Variants in NTRK3 observed in about 807,000 individuals in gnomAD.
The protein encoded by NTRK3 is NT-3 growth factor receptor.
In NTRK3, 24 loss-of-function variants were observed where a neutral mutation model predicts 91.7. The ratio of observed to expected loss-of-function variants is 0.26; its 90% CI spans 0.19 to 0.37. The LOEUF is 0.37. NTRK3 is among the 10% of genes least tolerant of loss of function. The probability of loss-of-function intolerance (pLI) is 1.00; values close to 1 mark genes in which losing one functional copy is unlikely to be tolerated. For synonymous variants in NTRK3, 483 were observed against 404.0 expected, an observed-to-expected ratio of 1.20 and a Z score of -2.34; for missense variants, 880 against 1,068.9, an observed-to-expected ratio of 0.82 and a Z score of 2.46.
At chr15:87,951,553 A>T (rs2071107591) in intron 14 of NTRK3, among the ~76,000 whole-genome samples, 1 of 152,186 alleles carries the variant, frequency 6.6e-6, no homozygotes, top group Non-Finnish European at 1.5e-5. Flanking sequence ...GCTTACCCTC[A>T]TTCTTTCCCC....
intron 15 of NTRK3, among the ~76,000 whole-genome samples, chr15:87,940,409 A>G (rs555801859): frequency 2.3e-4 from 35 of 152,346 alleles, no homozygotes; most frequent in South Asian, 2.1e-3. Context: ...CTCCCCTGGC[A>G]TAGCCCCCTT....
intron 15 of NTRK3, 115 bp from the exon 16 acceptor site, chr15:87,933,299 T>A: frequency 1.0e-6 from 1 of 982,774 alleles, no homozygotes; most frequent in Non-Finnish European, 1.5e-6. Context: ...AATATGAATC[T>A]AAATGGAATT....
exon 19 of NTRK3, chr15:87,873,835 G>C: frequency 8.6e-6 from 2 of 231,916 alleles, no homozygotes; most frequent in Non-Finnish European, 1.7e-5. Context: ...GAAATGTTGA[G>C]ACAAGGGGCA....
intron 13 of NTRK3, among the ~76,000 whole-genome samples, chr15:88,109,513 G>C (rs1251986998): frequency 1.3e-5 from 2 of 152,200 alleles, no homozygotes; most frequent in Admixed American, 6.5e-5. Flanking sequence ...GAAGCACCAA[G>C]CACAGTGCCA....
chr15:88,239,559 G>A (rs1442582332), intron 3 of NTRK3, among the ~76,000 whole-genome samples: 1 of 152,200 alleles, frequency 6.6e-6, no homozygotes, highest in East Asian at 1.9e-4. Flanking sequence ...GGTCAAGGCA[G>A]GTTCAGGTCA....
chr15:88,153,373 G>T (rs1342419795), intron 5 of NTRK3, among the ~76,000 whole-genome samples: 1 of 152,104 alleles, frequency 6.6e-6, no homozygotes, highest in Non-Finnish European at 1.5e-5. Context: ...CTCCCGAGTA[G>T]CTGGGATTAA....
chr15:88,089,721 T>C (rs763126865), intron 13 of NTRK3, among the ~76,000 whole-genome samples: 3 of 152,176 alleles, frequency 2.0e-5, no homozygotes, highest in Non-Finnish European at 4.4e-5. Context: ...GCACAACCTG[T>C]GCTACTGGAC....
intron 13 of NTRK3, among the ~76,000 whole-genome samples, chr15:88,084,922 C>T (rs947567746): frequency 5.3e-5 from 8 of 152,144 alleles, no homozygotes; most frequent in African/African-American, 1.4e-4. Flanking sequence ...TACATGCGCC[C>T]GCATGGGTGT....
intron 18 of NTRK3, among the ~76,000 whole-genome samples, chr15:87,879,122 C>T (rs529296032): frequency 7.2e-5 from 11 of 152,158 alleles, no homozygotes; most frequent in South Asian, 6.2e-4. Flanking sequence ...AGATAGTACA[C>T]GTTTTAAAAA....
intron 3 of NTRK3, among the ~76,000 whole-genome samples, chr15:88,245,097 G>C (rs1302201388): frequency 6.6e-6 from 1 of 152,198 alleles, no homozygotes; most frequent in Non-Finnish European, 1.5e-5. Context: ...CTCAGCCACT[G>C]TGTCCCTTTT....
intron 13 of NTRK3, among the ~76,000 whole-genome samples, chr15:88,120,359 G>C (rs987189607): frequency 6.6e-6 from 1 of 152,152 alleles, no homozygotes; most frequent in Non-Finnish European, 1.5e-5. Flanking sequence ...TTTACTTTAA[G>C]TACCTATTAA....
rs146497195 is a variant in NTRK3 at position 87,916,777 on chromosome 15, T to G, written c.2133+12414A>C. Among the ~76,000 whole-genome samples, 651 of 152,264 alleles carry G rather than the reference T, an allele frequency of 4.3e-3. 2 individuals are homozygous for G. Among genetic ancestry groups the G allele is most frequent in the African/African-American group, 0.015 (612 of 41,544 alleles). On this transcript the variant is annotated intron_variant, in intron 17 of 18. Coordinates refer to ENST00000394480, the Ensembl canonical transcript of NTRK3. Reference sequence around the variant, plus strand: ...ATGAAAAGCACAAGGCTTTTTTTTTTTTTAGACAGAGTCTCACTCTATCAC... The same window carrying G: ...ATGAAAAGCACAAGGCTTTTTTTTTGTTTAGACAGAGTCTCACTCTATCAC...
intron 17 of NTRK3, chr15:87,916,308 G>GGA: frequency 6.0e-6 from 2 of 335,462 alleles, no homozygotes; most frequent in Non-Finnish European, 1.1e-5. Flanking sequence ...TTTGTCTCAG[G>GGA]AAAAAAAAAA....
intron 14 of NTRK3, among the ~76,000 whole-genome samples, chr15:88,017,318 C>A (rs1283980015): frequency 6.6e-6 from 1 of 152,150 alleles, no homozygotes; most frequent in Admixed American, 6.5e-5. Flanking sequence ...TACAGCTCCC[C>A]CTTTAGACCT....
rs919686370 is a variant in NTRK3, at chr15:88,126,447, C to T, written c.1294-74G>A. The T allele has an allele frequency of 1.2e-5, 12 of 997,946 alleles. 1 individual carries two copies. The highest frequency in any genetic ancestry group is 6.8e-5 in the South Asian group (5 of 73,794). 61.8% of individuals were successfully genotyped at this position (997,946 alleles called of 1,614,324 possible). A position where few individuals can be genotyped will look rare whatever the true frequency, so the allele number is the denominator to read the frequency against. ...ATTTCCTTGAAAATAATGTGTGTGC[C>T]CAGATAAGAACAGTCCTACTGCCAT... On this transcript the variant is annotated intron_variant, in intron 12 of 18. Transcript: ENST00000394480.
At chr15:88,168,778 GGT>G (rs1445878810) in intron 5 of NTRK3, among the ~76,000 whole-genome samples, 1 of 152,198 alleles carries the variant, frequency 6.6e-6, no homozygotes, top group Non-Finnish European at 1.5e-5. Flanking sequence ...CTATGAAGCA[GGT>G]ACCTGCTCCT....
At chr15:87,888,290 G>A (rs778840192) in intron 17 of NTRK3, among the ~76,000 whole-genome samples, 11 of 152,244 alleles carry the variant, frequency 7.2e-5, no homozygotes, top group South Asian at 2.1e-4. Context: ...GGTACACTAC[G>A]GATCAAGCTG....
chr15:87,999,599 C>G (rs1291709988), intron 14 of NTRK3, among the ~76,000 whole-genome samples: 1 of 152,028 alleles, frequency 6.6e-6, no homozygotes, highest in Admixed American at 6.6e-5. Context: ...TAGATATTTC[C>G]CTGGGAGGAA....
At chr15:87,934,008 G>A (rs1406219785) in intron 15 of NTRK3, among the ~76,000 whole-genome samples, 3 of 152,200 alleles carry the variant, frequency 2.0e-5, no homozygotes, top group Non-Finnish European at 4.4e-5. Flanking sequence ...CCAGGAAGAT[G>A]AATATACCCA....
Sources: gnomAD v4.1 joint callset for allele counts (sites outside exome capture counted in the v4.1 genomes callset) on GRCh38, gnomAD v4.1.1 for gene constraint, MANE v1.5 for transcripts, NCBI Gene and HGNC (gene_info 2026-07-23, HGNC 2026-07-21) for gene names.